The following NME9 variants were observed in gnomAD, a reference collection of about 807,000 sequenced individuals.
NME9 encodes thioredoxin domain-containing protein 6.
In NME9, 48 loss-of-function variants were observed where a neutral mutation model predicts 44.4. The observed-to-expected ratio is 1.08, with a 90% CI of 0.86 to 1.37. The LOEUF is 1.37. Among genes scored for constraint, NME9 ranks in the 40% most tolerant of loss-of-function variants. NME9 has a pLI of 0.00. For synonymous variants in NME9, 139 were observed against 147.1 expected, an observed-to-expected ratio of 0.94 and a Z score of 0.40; for missense variants, 325 against 405.2, an observed-to-expected ratio of 0.80 and a Z score of 1.70.
intron 6 of NME9, among the ~76,000 whole-genome samples, chr3:138,311,087 A>C: frequency 6.6e-6 from 1 of 152,320 alleles, no homozygotes; most frequent in Non-Finnish European, 1.5e-5. Context: ...CAGAAATATA[A>C]AGAATCATTA....
intron 4 of NME9, among the ~76,000 whole-genome samples, chr3:138,317,426 C>A (rs1014729090): frequency 2.4e-4 from 36 of 152,166 alleles, no homozygotes; most frequent in Admixed American, 2.4e-3. Context: ...GGAGGTATAT[C>A]GATCCATTGC....
intron 8 of NME9, among the ~76,000 whole-genome samples, chr3:138,271,798 CTTT>C (rs776320900): frequency 4.4e-5 from 6 of 136,092 alleles, no homozygotes; most frequent in Non-Finnish European, 4.7e-5. Flanking sequence ...TTTTTTCTTT[CTTT>C]TTTTTTTTTT....
chr3:138,284,338 T>C, intron 8 of NME9: 1 of 867,598 alleles, frequency 1.2e-6, no homozygotes, highest in South Asian at 1.4e-5. Context: ...AGAATCCATG[T>C]ACCTTCAAGT....
intron 4 of NME9, among the ~76,000 whole-genome samples, chr3:138,317,472 C>A (rs543638622): frequency 6.6e-6 from 1 of 152,266 alleles, no homozygotes; most frequent in African/African-American, 2.4e-5. Flanking sequence ...ACCTAGGAAG[C>A]CAAGTGTGAA....
At chr3:138,280,654 A>T (rs1370937555) in intron 8 of NME9, among the ~76,000 whole-genome samples, 1 of 151,568 alleles carries the variant, frequency 6.6e-6, no homozygotes, top group East Asian at 1.9e-4. Context: ...CCACCATGCC[A>T]GGCTAATTTT....
intron 8 of NME9, among the ~76,000 whole-genome samples, chr3:138,291,381 C>T (rs1330484427): frequency 6.6e-6 from 1 of 152,362 alleles, no homozygotes; most frequent in East Asian, 1.9e-4. Context: ...CGTGCATTTA[C>T]ACATTCTGTT....
At position 138,262,951 on chromosome 3, in the gene NME9, A is replaced by C. The variant is rs561699974; in HGVS notation, c.746-365T>G. On this transcript the variant is annotated intron_variant, in intron 8 of 8. Coordinates refer to the NME9 transcript ENST00000317876. ...CTGTATTATCCAGAATAATGCCTAC[A>C]GAAGAGTGAGGGTTAAATTGGGTAA... is the stretch of plus-strand genomic sequence containing the variant. 1.8e-4 allele frequency among the ~76,000 whole-genome samples: 28 copies of C among 152,340 alleles called. No homozygotes were observed. In the South Asian group the frequency reaches 5.8e-3, roughly 32 times the overall value.
chr3:138,315,684 T>C (rs2053026662), intron 4 of NME9, 41 bp from the exon 5 acceptor site: 2 of 1,428,360 alleles, frequency 1.4e-6, no homozygotes, highest in Middle Eastern at 1.7e-4. Context: ...TCTTGGCAAA[T>C]ATTAATCTCT....
In NME9 at chr3:138,315,522, G is replaced by C. The variant is rs762312018; in HGVS notation, c.384+5C>G. ...TAGCTGCTTATAGAAGTGACCTCCA[G>C]TTACCACTTTCCGTTCTCTGCCTTC... On this transcript the variant is annotated splice_donor_5th_base_variant and intron_variant, in intron 5 of 10. Coordinates refer to ENST00000333911, the MANE Select transcript of NME9 (RefSeq NM_001349018.2). The C allele has an allele frequency of 2.0e-6, 3 of 1,533,270 alleles. No homozygotes were observed. Among genetic ancestry groups the C allele is most frequent in the Non-Finnish European group, 1.7e-6 (2 of 1,144,222 alleles). 95.0% of individuals were successfully genotyped at this position (1,533,270 alleles called of 1,614,324 possible). A position where few individuals can be genotyped will look rare whatever the true frequency, so the allele number is the denominator to read the frequency against.
At chr3:138,308,618 A>G (rs1486278551) in intron 6 of NME9, among the ~76,000 whole-genome samples, 2 of 152,256 alleles carry the variant, frequency 1.3e-5, no homozygotes, top group Admixed American at 1.3e-4. Flanking sequence ...AAGTTCAAAT[A>G]AGAACTAAGG....
chr3:138,278,084 G>T (rs1324390951), intron 8 of NME9, among the ~76,000 whole-genome samples: 1 of 152,168 alleles, frequency 6.6e-6, no homozygotes, highest in Non-Finnish European at 1.5e-5. Flanking sequence ...CAAATCAAAG[G>T]TATCCAAGCC....
Position 138,318,255 on chromosome 3 carries a change from C to G in NME9, c.196-36G>C, listed in dbSNP as rs770911402. Reference sequence around the variant, plus strand: ...CCACTATCAGCAGGTACCCTGGATGCAGGGGGTGCAGGGCCCAATTGATTG... The same window carrying G: ...CCACTATCAGCAGGTACCCTGGATGGAGGGGGTGCAGGGCCCAATTGATTG... On this transcript the variant is annotated intron_variant, in intron 3 of 10. Coordinates refer to ENST00000333911, the MANE Select transcript of NME9 (RefSeq NM_001349018.2). The G allele has an allele frequency of 7.5e-6, 10 of 1,335,134 alleles. No homozygotes were observed. In the South Asian group the frequency reaches 1.2e-4, roughly 16 times the overall value. The allele number at this position is 1,335,134 out of a possible 1,614,324, so 82.7% of individuals were successfully genotyped here. A position where few individuals can be genotyped will look rare whatever the true frequency, so the allele number is the denominator to read the frequency against.
intron 8 of NME9, chr3:138,287,816 T>A: frequency 2.6e-6 from 1 of 378,614 alleles, no homozygotes; most frequent in Non-Finnish European, 5.3e-6. Flanking sequence ...ATTTTGCCAT[T>A]GATACTCTCT....
chr3:138,300,970 C>T (rs2051806463), downstream of NME9: 1 of 758,562 alleles, frequency 1.3e-6, no homozygotes, highest in Non-Finnish European at 1.6e-6. Flanking sequence ...TTTTCAAGCT[C>T]ATGGTTACCA....
Position 138,319,510 on chromosome 3 carries a change from C to A in NME9, c.163G>T (p.Glu55Ter). 1 of 1,612,636 alleles carries A rather than the reference C, an allele frequency of 6.2e-7. No homozygotes were observed. ...VVSLFQKMRIEVGLDLLHFAL... is the reference protein window; with the variant it reads ...VVSLFQKMRI ...AAGTGCAGAAGGTCCAGGCCGACCT[C>A]GATCCTCATCTTCTGGAAGAGGCTC... Residue 55 changes from glutamate (E) to a stop codon, truncating the protein, a stop_gained, in exon 3 of 11, where the codon GAG becomes TAG. Transcript: ENST00000333911. LOFTEE classifies it high-confidence loss of function.
At chr3:138,294,103 A>G (rs1417286348) in intron 8 of NME9, among the ~76,000 whole-genome samples, 1 of 152,214 alleles carries the variant, frequency 6.6e-6, no homozygotes, top group African/African-American at 2.4e-5. Flanking sequence ...ACCTCTGAAT[A>G]AGATCCAGAA....
chr3:138,312,690 T>A (rs894746357), intron 6 of NME9, among the ~76,000 whole-genome samples: 1 of 152,112 alleles, frequency 6.6e-6, no homozygotes, highest in Non-Finnish European at 1.5e-5. Context: ...AGGATATTGG[T>A]CTGAACAAAG....
At chr3:138,263,945 A>T in intron 8 of NME9, 1 of 1,037,324 alleles carries the variant, frequency 9.6e-7, no homozygotes, top group Non-Finnish European at 1.5e-6. Flanking sequence ...AGGTGAATTC[A>T]TAGAGTATAT....
Position 138,314,363 on chromosome 3 carries a change from A to C in NME9, c.429T>G (p.His143Gln). The change falls in exon 6 of 11, where the codon CAT becomes CAG. Residue 143 changes from histidine (H) to glutamine (Q), a missense_variant. Coordinates refer to ENST00000333911, the MANE Select transcript of NME9 (RefSeq NM_001349018.2). ...CCTCATCTTCACCATTATTCTTTCC[A>C]TGGGAAACACATTCATCTTCATCAG... ...ALSDEDECVS[H>Q]GKNNGEDEDM... is the part of the protein sequence containing the mutation. 6.2e-7 allele frequency: 1 copy of C among 1,610,094 alleles called. No homozygotes were observed. The highest frequency in any genetic ancestry group is 8.5e-7 in the Non-Finnish European group (1 of 1,177,100).
Sources: allele counts gnomAD v4.1 joint callset (sites outside exome capture counted in the v4.1 genomes callset), GRCh38; gene constraint gnomAD v4.1.1; transcripts MANE v1.5; gene names NCBI Gene and HGNC (gene_info 2026-07-23, HGNC 2026-07-21).